The following LPAR1 variants were observed in gnomAD, a reference collection of about 807,000 sequenced individuals.
LPAR1 encodes lysophosphatidic acid receptor 1, also known as LPA receptor 1.
A neutral mutation model predicts 23.8 loss-of-function variants in LPAR1; 5 were observed. The observed-to-expected ratio is 0.21, with a 90% confidence interval of 0.11 to 0.44. The LOEUF (loss-of-function observed/expected upper bound fraction) is 0.44. Among genes scored for constraint, LPAR1 ranks in the 20% least tolerant of loss-of-function variants. LPAR1 has a pLI of 0.99. For missense variants in LPAR1, 311 were observed against 482.8 expected (o/e 0.64, Z 3.33); for synonymous variants, 160 against 164.7 (o/e 0.97, Z 0.22).
At chr9:110,961,319 TA>T (rs1268284077) in intron 4 of LPAR1, among the ~76,000 whole-genome samples, 8 of 147,596 alleles carry the variant, frequency 5.4e-5, no homozygotes, top group African/African-American at 1.5e-4. Flanking sequence ...GGTAACTTAT[TA>T]AAAAAAAAAG....
chr9:110,951,440 G>T (rs1052796278), intron 4 of LPAR1, among the ~76,000 whole-genome samples: 1 of 152,164 alleles, frequency 6.6e-6, no homozygotes, highest in African/African-American at 2.4e-5. Flanking sequence ...AAGTCAAAAA[G>T]GGAAAAGACA....
intron 4 of LPAR1, among the ~76,000 whole-genome samples, chr9:110,950,263 C>T (rs2095527206): frequency 6.6e-6 from 1 of 151,950 alleles, no homozygotes; most frequent in African/African-American, 2.4e-5. Flanking sequence ...AATTTGAGAC[C>T]AGTCTGGACA....
chr9:111,026,403 C>T (rs545399653), intron 2 of LPAR1, among the ~76,000 whole-genome samples: 14 of 152,330 alleles, frequency 9.2e-5, no homozygotes, highest in South Asian at 8.3e-4. Flanking sequence ...GCTGAAGTTG[C>T]TTATCAGCTT....
At chr9:111,037,456 C>T (rs2097914883) in intron 1 of LPAR1, among the ~76,000 whole-genome samples, 1 of 152,210 alleles carries the variant, frequency 6.6e-6, no homozygotes, top group African/African-American at 2.4e-5. Context: ...CAAAGAAAAA[C>T]AAGAATAAAC....
chr9:111,025,089 G>T (rs2141259406), intron 2 of LPAR1, among the ~76,000 whole-genome samples: 1 of 152,270 alleles, frequency 6.6e-6, no homozygotes, highest in Admixed American at 6.5e-5. Flanking sequence ...TGGGTCAAAT[G>T]GTATTTCTGG....
At chr9:110,990,022 G>T (rs1258129931) in intron 2 of LPAR1, among the ~76,000 whole-genome samples, 1 of 151,930 alleles carries the variant, frequency 6.6e-6, no homozygotes, top group Non-Finnish European at 1.5e-5. Context: ...AAAAAAAAAG[G>T]TTATTTCATA....
At chr9:110,926,429 G>C (rs545254629) in intron 5 of LPAR1, among the ~76,000 whole-genome samples, 95 of 152,176 alleles carry the variant, frequency 6.2e-4, no homozygotes, top group Non-Finnish European at 1.2e-3. Context: ...TCATTCTTGG[G>C]GGAAACAAAT....
intron 4 of LPAR1, among the ~76,000 whole-genome samples, chr9:110,957,350 A>AAATAAT (rs1554710947): frequency 1.1e-4 from 16 of 147,854 alleles, no homozygotes; most frequent in South Asian, 6.5e-4. Context: ...AAAAAAAAAA[A>AAATAAT]AATAATAATA....
Position 110,975,093 on chromosome 9 carries a change from A to T in LPAR1, c.-181-1535T>A, listed in dbSNP as rs147737811. On this transcript the variant is annotated intron_variant, in intron 2 of 5. Transcript: ENST00000683809. ...AATACAACTAAAAAGCAAAAAATCA[A>T]GCACATAAGATTCCATTCTTAAGGA... Among the ~76,000 whole-genome samples the T allele has an allele frequency of 1.7e-3, 252 of 152,350 alleles. 1 individual carries two copies. Among genetic ancestry groups the T allele is most frequent in the Non-Finnish European group, 3.0e-3 (205 of 68,038 alleles).
intron 5 of LPAR1, among the ~76,000 whole-genome samples, chr9:110,938,163 A>C (rs2094849774): frequency 6.6e-6 from 1 of 152,244 alleles, no homozygotes; most frequent in Non-Finnish European, 1.5e-5. Context: ...CAATCATTAC[A>C]ATCCTGCCTG....
intron 5 of LPAR1, among the ~76,000 whole-genome samples, chr9:110,906,845 A>T (rs2091352225): frequency 6.6e-6 from 1 of 152,170 alleles, no homozygotes; most frequent in Non-Finnish European, 1.5e-5. Context: ...CAAAGTTTCT[A>T]TGGAGTGACA....
At chr9:110,922,836 T>TTAA (rs2093727042) in intron 5 of LPAR1, among the ~76,000 whole-genome samples, 1 of 147,376 alleles carries the variant, frequency 6.8e-6, no homozygotes. Context: ...ATTATTATTA[T>TTAA]TATTATTATT....
chr9:110,885,255 G>A (rs1425222209), intron 5 of LPAR1, among the ~76,000 whole-genome samples: 2 of 152,142 alleles, frequency 1.3e-5, no homozygotes, highest in Admixed American at 6.5e-5. Context: ...AATGCAGTGG[G>A]TGGGGGGTCA....
At chr9:111,026,498 C>T (rs1441412557) in intron 2 of LPAR1, among the ~76,000 whole-genome samples, 1 of 152,188 alleles carries the variant, frequency 6.6e-6, no homozygotes, top group Non-Finnish European at 1.5e-5. Context: ...TTCCTCTCTT[C>T]CTGTATGAAT....
chr9:110,899,409 A>G lies in LPAR1; in HGVS notation c.794-23687T>C, dbSNP rs144138874. On this transcript the variant is annotated intron_variant, in intron 5 of 5. Coordinates refer to ENST00000683809, the MANE Select transcript of LPAR1 (RefSeq NM_001351411.2). ...TCAAGCAGCTATTTTGTGCAATGCA[A>G]TGTAGTCAGTGTCTTTGGGAGAATA... Among the ~76,000 whole-genome samples the G allele has an allele frequency of 4.9e-4, 74 of 152,346 alleles. No homozygotes were observed. In the East Asian group the frequency reaches 0.014, roughly 29 times the overall value.
intron 4 of LPAR1, among the ~76,000 whole-genome samples, chr9:110,959,617 C>CA (rs1466081720): frequency 1.3e-5 from 2 of 150,032 alleles, no homozygotes; most frequent in Admixed American, 6.6e-5. Context: ...GAACCTGTCT[C>CA]AAAAAACAAA....
At chr9:110,903,646 G>A (rs2090107049) in intron 5 of LPAR1, among the ~76,000 whole-genome samples, 1 of 151,822 alleles carries the variant, frequency 6.6e-6, no homozygotes. Context: ...AGACCCTCAA[G>A]GACTTGTAGC....
chr9:111,013,477 G>C (rs527414371), intron 2 of LPAR1, among the ~76,000 whole-genome samples: 12 of 152,292 alleles, frequency 7.9e-5, no homozygotes, highest in Admixed American at 7.8e-4. Flanking sequence ...CTGTGTGGTA[G>C]AGACAAATCA....
intron 2 of LPAR1, among the ~76,000 whole-genome samples, chr9:111,019,662 C>T (rs1190922872): frequency 6.6e-6 from 1 of 151,718 alleles, no homozygotes; most frequent in South Asian, 2.1e-4. Context: ...ATGGTGAAAC[C>T]CCGTCTCTAC....
Sources: gnomAD v4.1 joint callset for allele counts (sites outside exome capture counted in the v4.1 genomes callset) on GRCh38, gnomAD v4.1.1 for gene constraint, MANE v1.5 for transcripts, NCBI Gene and HGNC (gene_info 2026-07-23, HGNC 2026-07-21) for gene names.